Variants in TIAM2 observed in about 807,000 individuals in gnomAD.
The protein encoded by TIAM2 is TIAM Rac1 associated GEF 2, also known as rho guanine nucleotide exchange factor TIAM2.
A neutral mutation model predicts 152.9 loss-of-function variants in TIAM2; 80 were observed. The observed-to-expected ratio is 0.52, with a 90% CI of 0.44 to 0.63. The LOEUF is 0.63. Among genes scored for constraint, TIAM2 ranks in the 30% least tolerant of loss-of-function variants. The pLI is 0.00. For synonymous variants in TIAM2, 804 were observed against 838.0 expected, an observed-to-expected ratio of 0.96 and a Z score of 0.70; for missense variants, 1,965 against 2,120.1, an observed-to-expected ratio of 0.93 and a Z score of 1.44.
At position 155,111,064 on chromosome 6, in the gene TIAM2, A is replaced by T. The variant is rs181770924; in HGVS notation, c.-117-16426A>T. Among the ~76,000 whole-genome samples the T allele has an allele frequency of 3.3e-5, 5 of 152,330 alleles. No individual in the cohort carries two copies. In the East Asian group the frequency reaches 9.6e-4, roughly 29 times the overall value. ...ACAGAGTTTGCAAGCTTTTAAAGAC[A>T]AAAGCTAGAATCCATATGATTAAAG... On this transcript the variant is annotated intron_variant, in intron 2 of 26. Coordinates refer to ENST00000682666, the MANE Select transcript of TIAM2 (RefSeq NM_012454.4).
intron 2 of TIAM2, among the ~76,000 whole-genome samples, chr6:155,092,159 A>G (rs1778321154): frequency 6.9e-6 from 1 of 144,984 alleles, no homozygotes; most frequent in African/African-American, 2.6e-5. Context: ...TCAGCCTCCC[A>G]AAGTGCTGGG....
In TIAM2 at chr6:155,218,458, T is replaced by C. The variant is rs965822319; in HGVS notation, c.3168+7151T>C. 2.8e-4 allele frequency among the ~76,000 whole-genome samples: 43 copies of C among 152,204 alleles called. 1 individual carries two copies. Among genetic ancestry groups the C allele is most frequent in the African/African-American group, 9.2e-4 (38 of 41,466 alleles). On this transcript the variant is annotated intron_variant, in intron 15 of 26. Transcript: ENST00000682666. The surrounding 1 kb of genome is among the most constrained non-coding windows in gnomAD (Gnocchi z 4.5). Reference sequence around the variant, plus strand: ...CCTGAATTTGTATTCCCATCCACCATGCCTTATCATTATGTGACCTGGGGC... The same window carrying C: ...CCTGAATTTGTATTCCCATCCACCACGCCTTATCATTATGTGACCTGGGGC...
chr6:155,065,068 C>T (rs1048743962), intron 1 of TIAM2, among the ~76,000 whole-genome samples: 1 of 152,176 alleles, frequency 6.6e-6, no homozygotes, highest in Non-Finnish European at 1.5e-5. Flanking sequence ...GTTCTCCTGC[C>T]TCAGCTTCCT....
At chr6:155,036,654 G>C (rs1033563037) in intron 1 of TIAM2, among the ~76,000 whole-genome samples, 10 of 150,004 alleles carry the variant, frequency 6.7e-5, no homozygotes, top group Non-Finnish European at 1.0e-4. Flanking sequence ...TTTTACTCTT[G>C]TTGCCCAGGC....
At chr6:155,179,223 A>G in intron 11 of TIAM2, 80 bp downstream of exon 11, 4 of 1,485,702 alleles carry the variant, frequency 2.7e-6, no homozygotes, top group Admixed American at 1.8e-5. Flanking sequence ...ATTTTTGGGG[A>G]AAATTCTGTT....
chr6:155,238,462 G>A (rs1583275554), intron 15 of TIAM2, among the ~76,000 whole-genome samples: 1 of 152,050 alleles, frequency 6.6e-6, no homozygotes, highest in African/African-American at 2.4e-5. Flanking sequence ...CAGTGCCCCC[G>A]ACTCAAAAGA....
intron 5 of TIAM2, among the ~76,000 whole-genome samples, chr6:155,140,173 C>T (rs1443633932): frequency 6.6e-6 from 1 of 152,094 alleles, no homozygotes; most frequent in Non-Finnish European, 1.5e-5. Context: ...CTTTCTTTGC[C>T]CTGGTCAGAG....
intron 4 of TIAM2, among the ~76,000 whole-genome samples, chr6:155,130,972 A>C (rs1779432525): frequency 6.6e-6 from 1 of 152,154 alleles, no homozygotes; most frequent in South Asian, 2.1e-4. Flanking sequence ...CTCAACATGG[A>C]TTTTGGGGAG....
At position 155,175,499 on chromosome 6, in the gene TIAM2, A is replaced by G. The variant is rs937933798; in HGVS notation, c.2362-1317A>G. 3.9e-5 allele frequency among the ~76,000 whole-genome samples: 6 copies of G among 152,246 alleles called. No homozygotes were observed. The South Asian group carries it at 6.2e-4, about 16-fold the overall frequency. The stretch of plus-strand genomic sequence containing the variant: ...TTTTCTGGTATGTAAGGTGTTTCAC[A>G]TAAGTGACCTCTTTTGCTCACAAAA... On this transcript the variant is annotated intron_variant, in intron 9 of 26. Coordinates refer to ENST00000682666, the MANE Select transcript of TIAM2 (RefSeq NM_012454.4).
At chr6:155,123,810 G>A (rs1034590667) in intron 2 of TIAM2, among the ~76,000 whole-genome samples, 1 of 152,072 alleles carries the variant, frequency 6.6e-6, no homozygotes, top group African/African-American at 2.4e-5. Flanking sequence ...GGAGCCTTTC[G>A]CCTCCAGTGT....
intron 1 of TIAM2, among the ~76,000 whole-genome samples, chr6:155,036,802 G>C (rs1776932573): frequency 6.6e-6 from 1 of 151,710 alleles, no homozygotes; most frequent in Admixed American, 6.6e-5. Flanking sequence ...ATTTTTAGTA[G>C]AGATGGGGTT....
chr6:155,134,034 T>C (rs1198378226), intron 4 of TIAM2, among the ~76,000 whole-genome samples: 1 of 152,186 alleles, frequency 6.6e-6, no homozygotes, highest in Non-Finnish European at 1.5e-5. Flanking sequence ...CTTGAGTCTT[T>C]ACTCATCTCC....
At position 155,211,260 on chromosome 6, in the gene TIAM2, A is replaced by T; in HGVS notation, c.3121A>T (p.Thr1041Ser). 1.2e-6 allele frequency: 2 copies of T among 1,613,624 alleles called. No individual in the cohort carries two copies. Among genetic ancestry groups the T allele is most frequent in the Non-Finnish European group, 1.7e-6 (2 of 1,179,620 alleles). ...TCTGAAAAGGAGTCAGACAGATGGC[A>T]CTCTGGATCAGGTTTCCCACAGGGA... ...TGLKRSQTDG[T>S]LDQVSHREKM... Residue 1041 changes from threonine to serine, a missense_variant, in exon 15 of 27, where the codon ACT becomes TCT. Coordinates refer to ENST00000682666, the MANE Select transcript of TIAM2 (RefSeq NM_012454.4).
At chr6:155,021,436 A>G (rs1776488549) in intron 1 of TIAM2, among the ~76,000 whole-genome samples, 1 of 151,896 alleles carries the variant, frequency 6.6e-6, no homozygotes. Flanking sequence ...TAGTTTTTAT[A>G]TCTTTAGTAG....
intron 1 of TIAM2, among the ~76,000 whole-genome samples, chr6:155,048,105 A>G (rs1777243271): frequency 6.6e-6 from 1 of 152,022 alleles, no homozygotes; most frequent in Non-Finnish European, 1.5e-5. Flanking sequence ...GGCATGTGCC[A>G]CCATAGCCAC....
intron 1 of TIAM2, among the ~76,000 whole-genome samples, chr6:155,075,005 T>G (rs1167886857): frequency 6.6e-6 from 1 of 151,584 alleles, no homozygotes; most frequent in Non-Finnish European, 1.5e-5. Context: ...TCTGGATAAG[T>G]CTGGATAAGG....
At chr6:155,187,380 A>G (rs1329118699) in intron 14 of TIAM2, among the ~76,000 whole-genome samples, 1 of 152,082 alleles carries the variant, frequency 6.6e-6, no homozygotes, top group Non-Finnish European at 1.5e-5. Flanking sequence ...CTGCTTTTCT[A>G]GAAAAGAAGC....
At chr6:155,072,256 C>T (rs1371088962) in intron 1 of TIAM2, among the ~76,000 whole-genome samples, 1 of 152,168 alleles carries the variant, frequency 6.6e-6, no homozygotes, top group Non-Finnish European at 1.5e-5. Flanking sequence ...TTTCCCCTGG[C>T]TGCTGTGTGG....
intron 14 of TIAM2, among the ~76,000 whole-genome samples, chr6:155,199,087 C>CA (rs1187550657): frequency 6.7e-6 from 1 of 150,214 alleles, no homozygotes; most frequent in Non-Finnish European, 1.5e-5. Flanking sequence ...TTTTTAATTA[C>CA]AAAAAAAGTT....
Sources: allele counts gnomAD v4.1 joint callset (sites outside exome capture counted in the v4.1 genomes callset), GRCh38; gene constraint gnomAD v4.1.1; non-coding constraint Gnocchi (gnomAD v3.1); transcripts MANE v1.5; gene names NCBI Gene and HGNC (gene_info 2026-07-23, HGNC 2026-07-21).